Variants in SLC8B1 observed in about 807,000 individuals in gnomAD.
SLC8B1 encodes the protein mitochondrial sodium/calcium exchanger protein.
In SLC8B1, 52 loss-of-function variants were observed where a neutral mutation model predicts 63.4. That is an observed-to-expected ratio of 0.82 (90% CI 0.66 to 1.03). The LOEUF (loss-of-function observed/expected upper bound fraction) is 1.03. Among genes scored for constraint, SLC8B1 ranks in the 50% least tolerant of loss-of-function variants. The pLI is 0.00. For synonymous variants in SLC8B1, 336 were observed against 323.9 expected, an observed-to-expected ratio of 1.04 and a Z score of -0.40; for missense variants, 657 against 741.7, an observed-to-expected ratio of 0.89 and a Z score of 1.33.
In SLC8B1 at chr12:113,320,563, C is replaced by G. The variant is rs1956910287; in HGVS notation, c.526+18G>C. The G allele has an allele frequency of 6.2e-7, 1 of 1,613,902 alleles. No individual in the cohort carries two copies. The highest frequency in any genetic ancestry group is 1.1e-5 in the South Asian group (1 of 91,086). The stretch of plus-strand genomic sequence containing the variant: ...CTCCTGCTGCTTTCCCCGCCCCCCT[C>G]ACTGGGGCTGCTCTCACCAAACAGT... On this transcript the variant is annotated intron_variant, in intron 6 of 15. Coordinates refer to ENST00000680972, the MANE Select transcript of SLC8B1 (RefSeq NM_001358345.2). This position sits in a 1 kb window ranked among gnomAD's most constrained non-coding sequence, Gnocchi z 5.3.
chr12:113,320,126 CA>C lies in SLC8B1; in HGVS notation c.694+204del. 1.6e-6 allele frequency: 1 copy of C among 615,532 alleles called. No homozygotes were observed. 38.1% of individuals were successfully genotyped at this position (615,532 alleles called of 1,614,324 possible). A position where few individuals can be genotyped will look rare whatever the true frequency, so the allele number is the denominator to read the frequency against. ...GTGACACTTTTGAATACTCCCTCCC[CA>C]GCCCCCAGCTCTGCCAGGCCTCTTT... On this transcript the variant is annotated intron_variant, in intron 7 of 15. Transcript: ENST00000680972. The surrounding 1 kb of genome is among the most constrained non-coding windows in gnomAD (Gnocchi z 5.3).
intron 10 of SLC8B1, among the ~76,000 whole-genome samples, 156 bp from the exon 11 acceptor site, chr12:113,315,632 T>C (rs958174585): frequency 3.3e-5 from 5 of 152,248 alleles, no homozygotes; most frequent in Non-Finnish European, 7.3e-5. Context: ...CTCTGGCTAC[T>C]GGGACAAATG....
In SLC8B1 at chr12:113,307,110, C is replaced by CAAAAAAAA; in HGVS notation, c.1412-543_1412-536dup. Among the ~76,000 whole-genome samples, 24 of 18,206 alleles carry CAAAAAAAA rather than the reference C, an allele frequency of 1.3e-3. 6 individuals carry two copies. The highest frequency in any genetic ancestry group is 1.6e-3 in the Non-Finnish European group (15 of 9,170). The allele number at this position is 18,206 out of a possible 152,430, so 11.9% of individuals were successfully genotyped here. On this transcript the variant is annotated intron_variant, in intron 13 of 15. Coordinates refer to ENST00000680972, the MANE Select transcript of SLC8B1 (RefSeq NM_001358345.2). ...TGGGCGACAGAGCAAGCCTCCATCT[C>CAAAAAAAA]AAAAAAAAAAAAAAAAAAAAAAAAA...
At chr12:113,315,514 A>G (rs1593248071) in intron 10 of SLC8B1, 38 bp from the exon 11 acceptor site, 1 of 1,517,946 alleles carries the variant, frequency 6.6e-7, no homozygotes, top group Non-Finnish European at 8.8e-7. Context: ...GTCGGCAGGG[A>G]AGTCTGAATC....
At position 113,305,713 on chromosome 12, in the gene SLC8B1, G is replaced by C. The variant is rs1451932876; in HGVS notation, c.1492+782C>G. On this transcript the variant is annotated intron_variant, in intron 14 of 15. Transcript: ENST00000680972. This position sits in a 1 kb window ranked among gnomAD's most constrained non-coding sequence, Gnocchi z 4.3. ...TGTCTGTGCCTGTTTCTGCACTATA[G>C]CAGCAGAGTTGAGTAGCTGCAAAAC... Among the ~76,000 whole-genome samples the C allele has an allele frequency of 6.6e-6, 1 of 152,174 alleles. No homozygotes were observed. Among genetic ancestry groups the C allele is most frequent in the Non-Finnish European group, 1.5e-5 (1 of 68,028 alleles).
chr12:113,303,071 T>TACACACACACACACACACACGTACACAC (rs368824979), intron 15 of SLC8B1, among the ~76,000 whole-genome samples: 1 of 130,120 alleles, frequency 7.7e-6, no homozygotes, highest in Non-Finnish European at 1.7e-5. Context: ...CACACACACG[T>TACACACACACACACACACACGTACACAC]ACACACACAC....
Position 113,299,798 on chromosome 12 carries a change from C to T in SLC8B1, c.1734G>A (p.Val578=), listed in dbSNP as rs758505069. The T allele has an allele frequency of 5.0e-6, 8 of 1,614,040 alleles. No homozygotes were observed. The highest frequency in any genetic ancestry group is 8.5e-7 in the Non-Finnish European group (1 of 1,180,050). The change falls in exon 16 of 16, where the codon GTG becomes GTA. Residue 578 remains valine (V), a synonymous_variant. Coordinates refer to ENST00000680972, the MANE Select transcript of SLC8B1 (RefSeq NM_001358345.2). ...TCAGTCACATGCTTTTCAGGTGAAT[C>T]ACTCCAAATTCAGTGAGGAGGGCCA... is the stretch of plus-strand genomic sequence containing the variant. ...LVVALLTEFG[V]IHLKSM
In SLC8B1 at chr12:113,320,739, C is replaced by A; in HGVS notation, c.421-53G>T. ...GGATCGCAGCTGCAGCCCACCCAGGCCTTCGACCCTATCCCCCAGCTTCCC... is the reference window on the plus strand; with the variant it reads ...GGATCGCAGCTGCAGCCCACCCAGGACTTCGACCCTATCCCCCAGCTTCCC... On this transcript the variant is annotated intron_variant, in intron 5 of 15. Coordinates refer to ENST00000680972, the MANE Select transcript of SLC8B1 (RefSeq NM_001358345.2). This position sits in a 1 kb window ranked among gnomAD's most constrained non-coding sequence, Gnocchi z 5.3. The A allele has an allele frequency of 6.3e-7, 1 of 1,587,978 alleles. No individual in the cohort carries two copies.
intron 2 of SLC8B1, among the ~76,000 whole-genome samples, chr12:113,323,206 A>C (rs2136858809): frequency 6.6e-6 from 1 of 152,338 alleles, no homozygotes; most frequent in East Asian, 1.9e-4. Flanking sequence ...AGTCAACAAA[A>C]GCCCACCAAA....
In SLC8B1 at chr12:113,299,562, T is replaced by G; in HGVS notation, c.*215A>C. Reference sequence around the variant, plus strand: ...CCCTTTGTCCAGAGCAAAGCCAGGTTTCCAAGGTCCCCACGGCAAGGCTGT... The same window carrying G: ...CCCTTTGTCCAGAGCAAAGCCAGGTGTCCAAGGTCCCCACGGCAAGGCTGT... On this transcript the variant is annotated 3_prime_UTR_variant, in exon 16 of 16. Coordinates refer to ENST00000680972, the MANE Select transcript of SLC8B1 (RefSeq NM_001358345.2). The G allele has an allele frequency of 1.8e-6, 1 of 568,694 alleles. No homozygotes were observed. The highest frequency in any genetic ancestry group is 3.1e-6 in the Non-Finnish European group (1 of 317,902). The allele number at this position is 568,694 out of a possible 1,614,324, so 35.2% of individuals were successfully genotyped here. A position where few individuals can be genotyped will look rare whatever the true frequency, so the allele number is the denominator to read the frequency against.
chr12:113,304,474 G>A (rs889375700), intron 14 of SLC8B1, 89 bp from the exon 15 acceptor site: 15 of 1,212,576 alleles, frequency 1.2e-5, no homozygotes, highest in Non-Finnish European at 1.4e-5. Context: ...CATCCCCAGG[G>A]CTTGGGATGC....
chr12:113,316,708 A>C lies in SLC8B1; in HGVS notation c.863-52T>G, dbSNP rs201484722. The C allele has an allele frequency of 8.0e-4, 1,275 of 1,601,372 alleles. 1 individual carries two copies. Among genetic ancestry groups the C allele is most frequent in the Non-Finnish European group, 1.0e-3 (1,196 of 1,173,728 alleles). ...TGTGCCTGCGGCTGACTTGCTCTCCAGGAAACCTTCCCCGCTCCATCCCAC... is the reference window on the plus strand; with the variant it reads ...TGTGCCTGCGGCTGACTTGCTCTCCCGGAAACCTTCCCCGCTCCATCCCAC... On this transcript the variant is annotated intron_variant, in intron 9 of 15. Coordinates refer to ENST00000680972, the MANE Select transcript of SLC8B1 (RefSeq NM_001358345.2).
intron 15 of SLC8B1, 76 bp from the exon 16 acceptor site, chr12:113,300,050 A>G (rs1265974755): frequency 2.3e-6 from 3 of 1,326,972 alleles, no homozygotes; most frequent in African/African-American, 1.5e-5. Flanking sequence ...CAACACAACA[A>G]TGCAGCCTCA....
At position 113,333,064 on chromosome 12, in the gene SLC8B1, G is replaced by C. The variant is rs556791249; in HGVS notation, c.-82-104C>G. Reference sequence around the variant, plus strand: ...TTAAGGAACTGCCTTCCTGCCTCCCGGCAGCAAAGTTAAGCTGACGGAGAA... The same window carrying C: ...TTAAGGAACTGCCTTCCTGCCTCCCCGCAGCAAAGTTAAGCTGACGGAGAA... On this transcript the variant is annotated intron_variant, in intron 1 of 15. Transcript: ENST00000680972. 123 of 700,886 alleles carry C rather than the reference G, an allele frequency of 1.8e-4. No individual in the cohort carries two copies. In the East Asian group the frequency reaches 3.4e-3, roughly 19 times the overall value. The allele number at this position is 700,886 out of a possible 1,614,324, so 43.4% of individuals were successfully genotyped here. A position where few individuals can be genotyped will look rare whatever the true frequency, so the allele number is the denominator to read the frequency against.
intron 15 of SLC8B1, among the ~76,000 whole-genome samples, chr12:113,303,329 C>T (rs1285515108): frequency 1.3e-5 from 2 of 152,168 alleles, no homozygotes; most frequent in African/African-American, 4.8e-5. Context: ...TAGCTGTTTG[C>T]TTGTGGGCAT....
At chr12:113,303,484 A>G (rs1187346849) in intron 15 of SLC8B1, among the ~76,000 whole-genome samples, 1 of 151,290 alleles carries the variant, frequency 6.6e-6, no homozygotes, top group Non-Finnish European at 1.5e-5. Context: ...CTTAAAACCA[A>G]CCCCCAGGCC....
chr12:113,319,353 T>C (rs1956887392), intron 7 of SLC8B1: 1 of 338,676 alleles, frequency 3.0e-6, no homozygotes, highest in South Asian at 2.7e-5. Flanking sequence ...TGTCCTGCTC[T>C]GTGCCCTGGG....
Position 113,320,039 on chromosome 12 carries a change from T to C in SLC8B1, c.694+292A>G, listed in dbSNP as rs1283029237. ...AACTCCTGAACCAAAGTGATCCTCC[T>C]GCCTCAGCCTCTCAAATTGCTGGGA... On this transcript the variant is annotated intron_variant, in intron 7 of 15. Coordinates refer to ENST00000680972, the MANE Select transcript of SLC8B1 (RefSeq NM_001358345.2). This position sits in a 1 kb window ranked among gnomAD's most constrained non-coding sequence, Gnocchi z 5.3. 2.3e-5 allele frequency: 8 copies of C among 345,858 alleles called. No homozygotes were observed. In the Admixed American group the frequency reaches 3.4e-4, roughly 15 times the overall value. 21.4% of individuals were successfully genotyped at this position (345,858 alleles called of 1,614,324 possible).
At chr12:113,325,861 C>T (rs1956991226) in intron 2 of SLC8B1, among the ~76,000 whole-genome samples, 1 of 152,220 alleles carries the variant, frequency 6.6e-6, no homozygotes, top group African/African-American at 2.4e-5. Flanking sequence ...CCGCGCCCAG[C>T]CCTGAATTTT....
Sources: gnomAD v4.1 joint callset for allele counts (sites outside exome capture counted in the v4.1 genomes callset) on GRCh38, gnomAD v4.1.1 for gene constraint, Gnocchi (gnomAD v3.1) non-coding constraint, MANE v1.5 for transcripts, NCBI Gene and HGNC (gene_info 2026-07-23, HGNC 2026-07-21) for gene names.